CATSPERT: variants seen among roughly 807,000 people sequenced by gnomAD.
The protein encoded by CATSPERT is catsper channel auxiliary subunit tau.
At chr2:201,585,995 A>G in the CATSPERT span, among the ~76,000 whole-genome samples, 1 of 152,128 alleles carries the variant, frequency 6.6e-6, no homozygotes, top group African/African-American at 2.4e-5. Flanking sequence ...AGACAGCAAG[A>G]CCAACCTCTC....
At chr2:201,515,202 G>GTTTTTTTTTTTTTTTTTT in the CATSPERT span, among the ~76,000 whole-genome samples, 21 of 24,672 alleles carry the variant, frequency 8.5e-4, 6 homozygotes, top group Admixed American at 5.5e-3. Flanking sequence ...TCTGCCCATA[G>GTTTTTTTTTTTTTTTTTT]TTTTTTTTTT....
the CATSPERT span, among the ~76,000 whole-genome samples, chr2:201,515,202 G>GTTTTTTTT: frequency 4.0e-3 from 99 of 24,670 alleles, 34 homozygotes; most frequent in East Asian, 0.018. Context: ...TCTGCCCATA[G>GTTTTTTTT]TTTTTTTTTT....
chr2:201,568,506 A>C, the CATSPERT span, among the ~76,000 whole-genome samples: 1 of 152,186 alleles, frequency 6.6e-6, no homozygotes, highest in South Asian at 2.1e-4. Flanking sequence ...ATCAGATACC[A>C]GGGGATATGT....
the CATSPERT span, chr2:201,582,069 G>T: frequency 1.3e-6 from 2 of 1,589,168 alleles, no homozygotes; most frequent in South Asian, 1.2e-5. Flanking sequence ...GTGATACCAA[G>T]GTGAAAAAAA....
the CATSPERT span, among the ~76,000 whole-genome samples, chr2:201,496,160 T>C: frequency 6.6e-6 from 1 of 152,070 alleles, no homozygotes; most frequent in African/African-American, 2.4e-5. Context: ...GATTCTTTGG[T>C]ATTATAATAG....
chr2:201,528,823 G>A, the CATSPERT span, among the ~76,000 whole-genome samples: 1 of 151,942 alleles, frequency 6.6e-6, no homozygotes, highest in Non-Finnish European at 1.5e-5. Context: ...TTGCTACCTG[G>A]GTGATAAAAT....
At chr2:201,566,310 A>C in the CATSPERT span, among the ~76,000 whole-genome samples, 1 of 148,204 alleles carries the variant, frequency 6.7e-6, no homozygotes, top group African/African-American at 2.5e-5. Context: ...GCACCCATTA[A>C]CTCGTCATTT....
chr2:201,594,474 A>C, the CATSPERT span, among the ~76,000 whole-genome samples: 1 of 151,850 alleles, frequency 6.6e-6, no homozygotes. Context: ...TGCTCTTCTC[A>C]AGGAGTATCT....
the CATSPERT span, among the ~76,000 whole-genome samples, chr2:201,613,911 T>C: frequency 1.3e-5 from 2 of 152,138 alleles, no homozygotes; most frequent in Admixed American, 1.3e-4. Flanking sequence ...ATGTGACGCA[T>C]GCACAAGCTT....
At chr2:201,512,839 G>GT in the CATSPERT span, among the ~76,000 whole-genome samples, 5 of 147,218 alleles carry the variant, frequency 3.4e-5, no homozygotes, top group South Asian at 2.2e-4. Context: ...TGCATGTATA[G>GT]TTTTTTTAAA....
chr2:201,560,423 AAATAATAATAATAATAAT>A, the CATSPERT span, among the ~76,000 whole-genome samples: 1,340 of 126,452 alleles, frequency 0.011, 28 homozygotes, highest in African/African-American at 0.036. Context: ...ACTCTGTCTC[AAATAATAATAATAATAAT>A]AATAATAATA....
the CATSPERT span, among the ~76,000 whole-genome samples, chr2:201,577,095 A>G: frequency 1.3e-5 from 2 of 152,186 alleles, no homozygotes; most frequent in African/African-American, 4.8e-5. Flanking sequence ...TACAATGAAG[A>G]CTTTGTTTCA....
chr2:201,581,572 AT>A, the CATSPERT span, among the ~76,000 whole-genome samples: 6 of 78,698 alleles, frequency 7.6e-5, no homozygotes, highest in African/African-American at 2.5e-4. Context: ...ATATATATAT[AT>A]ATATATATAT....
chr2:201,492,321 T>C, the CATSPERT span: 2 of 1,536,136 alleles, frequency 1.3e-6, no homozygotes, highest in Non-Finnish European at 1.7e-6. Context: ...ATTGCTTTTT[T>C]GTCATTAGTC....
At chr2:201,604,846 C>G in the CATSPERT span, 1 of 432,892 alleles carries the variant, frequency 2.3e-6, no homozygotes, top group Non-Finnish European at 4.0e-6. Flanking sequence ...TCATCCCTAT[C>G]CTCAATAAGA....
At chr2:201,544,583 T>C in the CATSPERT span, among the ~76,000 whole-genome samples, 1 of 151,604 alleles carries the variant, frequency 6.6e-6, no homozygotes, top group South Asian at 2.1e-4. Context: ...ATAAACACAC[T>C]CCTCTACATA....
chr2:201,539,879 T>C, the CATSPERT span, among the ~76,000 whole-genome samples: 2 of 152,188 alleles, frequency 1.3e-5, no homozygotes, highest in Admixed American at 6.5e-5. Context: ...AAAGCTGAGA[T>C]AGGCCAAAAG....
chr2:201,590,109 A>G, the CATSPERT span, among the ~76,000 whole-genome samples: 1 of 151,930 alleles, frequency 6.6e-6, no homozygotes, highest in Non-Finnish European at 1.5e-5. Flanking sequence ...AGCATTAGGT[A>G]TATCTCCCAA....
the CATSPERT span, among the ~76,000 whole-genome samples, chr2:201,509,836 C>T: frequency 6.6e-6 from 1 of 150,832 alleles, no homozygotes; most frequent in Non-Finnish European, 1.5e-5. Context: ...ACCAGGCACT[C>T]TCCCAAGTTT....
Sources: allele counts gnomAD v4.1 joint callset (sites outside exome capture counted in the v4.1 genomes callset), GRCh38; gene constraint gnomAD v4.1.1; transcripts MANE v1.5; gene names NCBI Gene and HGNC (gene_info 2026-07-23, HGNC 2026-07-21).